Variants in ATP6V0D1 observed in about 807,000 individuals in gnomAD.
ATP6V0D1 encodes the protein ATPase H+ transporting V0 subunit d1.
In ATP6V0D1, 13 loss-of-function variants were observed where a neutral mutation model predicts 39.0. That is an observed-to-expected ratio of 0.33 (90% CI 0.22 to 0.53). The LOEUF is 0.53. Among genes scored for constraint, ATP6V0D1 ranks in the 20% least tolerant of loss-of-function variants. The pLI is 0.94. For synonymous variants in ATP6V0D1, 191 were observed against 191.2 expected, an observed-to-expected ratio of 1.00 and a Z score of 0.01; for missense variants, 272 against 470.9, an observed-to-expected ratio of 0.58 and a Z score of 3.91.
At position 67,443,272 on chromosome 16, in the gene ATP6V0D1, C is replaced by A. The variant is rs1189773134; in HGVS notation, c.482-94G>T. On this transcript the variant is annotated intron_variant, in intron 3 of 7. Coordinates refer to ENST00000290949, the MANE Select transcript of ATP6V0D1 (RefSeq NM_004691.5). ...TACACGGCACAGAGTGCCCGTGCCA[C>A]AAGGCCCACAGGGCTGGGTATTGAG... The A allele has an allele frequency of 2.3e-6, 3 of 1,318,710 alleles. No homozygotes were observed. The Admixed American group carries it at 5.3e-5, about 23-fold the overall frequency. 81.7% of individuals were successfully genotyped at this position (1,318,710 alleles called of 1,614,324 possible).
At chr16:67,451,838 G>A (rs936291469) in intron 2 of ATP6V0D1, among the ~76,000 whole-genome samples, 17 of 152,222 alleles carry the variant, frequency 1.1e-4, no homozygotes, top group African/African-American at 3.9e-4. Flanking sequence ...CCTCAGTCAC[G>A]CTCAGAGCCC....
chr16:67,444,491 C>T lies in ATP6V0D1; in HGVS notation c.481+37G>A. 4 of 1,556,326 alleles carry T rather than the reference C, an allele frequency of 2.6e-6. No homozygotes were observed. The highest frequency in any genetic ancestry group is 3.5e-6 in the Non-Finnish European group (4 of 1,142,698). ...CCACCCTGATGCGCTGATGCTGACA[C>T]CACTGCCCACCTCCCATGACCACCA... On this transcript the variant is annotated intron_variant, in intron 3 of 7. Transcript: ENST00000290949. The surrounding 1 kb of genome is among the most constrained non-coding windows in gnomAD (Gnocchi z 4.8).
At chr16:67,448,882 C>G (rs144826866) in intron 2 of ATP6V0D1, among the ~76,000 whole-genome samples, 75 of 152,298 alleles carry the variant, frequency 4.9e-4, no homozygotes, top group African/African-American at 1.6e-3. Context: ...GCCCAGGACC[C>G]TGAAACCACA....
chr16:67,469,943 A>C (rs1276289403), intron 1 of ATP6V0D1, among the ~76,000 whole-genome samples: 3 of 152,212 alleles, frequency 2.0e-5, no homozygotes. Flanking sequence ...TCCATCTGGT[A>C]GTCTACCAAG....
At chr16:67,471,583 TATAGA>T (rs1450142855) in intron 1 of ATP6V0D1, among the ~76,000 whole-genome samples, 1 of 152,148 alleles carries the variant, frequency 6.6e-6, no homozygotes, top group Non-Finnish European at 1.5e-5. Flanking sequence ...CACCCTATGG[TATAGA>T]ATAGAACTTC....
rs1222237649 is a variant in ATP6V0D1, at chr16:67,438,567, G to A, written c.1017C>T (p.Arg339=). 1 of 1,613,786 alleles carries A rather than the reference G, an allele frequency of 6.2e-7. No homozygotes were observed. The highest frequency in any genetic ancestry group is 8.5e-7 in the Non-Finnish European group (1 of 1,179,994). ...IVWIAECIAQ[R]HRAKIDNYIP... is the part of the protein sequence containing the mutation. Reference sequence around the variant, plus strand: ...TGTAGTTGTCGATTTTGGCGCGGTGGCGCTGGGCGATACATTCAGCGATCC... The same window carrying A: ...TGTAGTTGTCGATTTTGGCGCGGTGACGCTGGGCGATACATTCAGCGATCC... The change falls in exon 8 of 8, where the codon CGC becomes CGT. Residue 339 remains arginine, a synonymous_variant. Transcript: ENST00000290949.
intron 3 of ATP6V0D1, 54 bp from the exon 4 acceptor site, chr16:67,443,232 G>A: frequency 6.3e-7 from 1 of 1,574,810 alleles, no homozygotes; most frequent in South Asian, 1.1e-5. Context: ...CCAGAATCCT[G>A]ATGTTCAAAT....
At chr16:67,445,539 T>C (rs1002112568) in intron 2 of ATP6V0D1, among the ~76,000 whole-genome samples, 1 of 152,176 alleles carries the variant, frequency 6.6e-6, no homozygotes, top group Non-Finnish European at 1.5e-5. Context: ...AACTGTCCTC[T>C]TCTTTTAGGG....
At chr16:67,468,069 A>T (rs1057331244) in intron 1 of ATP6V0D1, among the ~76,000 whole-genome samples, 1 of 152,178 alleles carries the variant, frequency 6.6e-6, no homozygotes, top group Non-Finnish European at 1.5e-5. Context: ...TGCTATGTTC[A>T]GTGTATGCCA....
At chr16:67,479,298 T>C (rs547811401) in intron 1 of ATP6V0D1, among the ~76,000 whole-genome samples, 1 of 151,618 alleles carries the variant, frequency 6.6e-6, no homozygotes, top group East Asian at 1.9e-4. Flanking sequence ...ACTGCAACCT[T>C]TGCCTCCCAG....
At position 67,479,991 on chromosome 16, in the gene ATP6V0D1, A is replaced by T. The variant is rs2041452608; in HGVS notation, c.130+966T>A. 2.7e-5 allele frequency among the ~76,000 whole-genome samples: 3 copies of T among 109,122 alleles called. No homozygotes were observed. The South Asian group carries it at 7.2e-4, about 26-fold the overall frequency. 71.6% of individuals were successfully genotyped at this position (109,122 alleles called of 152,430 possible). ...GAGGCGGGCGGATCACGAGGTCAGG[A>T]GATCGAGACCATCCCGGCTAAAACG... is the stretch of plus-strand genomic sequence containing the variant. On this transcript the variant is annotated intron_variant, in intron 1 of 7. Transcript: ENST00000290949.
chr16:67,467,195 G>A (rs962554543), intron 1 of ATP6V0D1, among the ~76,000 whole-genome samples: 21 of 152,180 alleles, frequency 1.4e-4, no homozygotes, highest in African/African-American at 4.1e-4. Flanking sequence ...CCAAAGCCTA[G>A]TACTCAGCCA....
intron 1 of ATP6V0D1, among the ~76,000 whole-genome samples, chr16:67,461,767 G>T (rs2041291108): frequency 6.6e-6 from 1 of 152,170 alleles, no homozygotes. Context: ...CTGACACCAG[G>T]GGCCAGCGGC....
In ATP6V0D1 at chr16:67,444,215, CCT is replaced by C. The variant is rs2041088497; in HGVS notation, c.481+311_481+312del. ...CTCTCGGGACTCCAAGGGACTTGGG[CCT>C]CTCTCACTCTTCTCCATGAGCTCAG... On this transcript the variant is annotated intron_variant, in intron 3 of 7. Coordinates refer to ENST00000290949, the MANE Select transcript of ATP6V0D1 (RefSeq NM_004691.5). This position sits in a 1 kb window ranked among gnomAD's most constrained non-coding sequence, Gnocchi z 4.8. Among the ~76,000 whole-genome samples the C allele has an allele frequency of 6.6e-6, 1 of 152,342 alleles. No individual in the cohort carries two copies. The highest frequency in any genetic ancestry group is 1.9e-4 in the East Asian group (1 of 5,184).
At chr16:67,466,368 CACACACACA>C (rs2041330667) in intron 1 of ATP6V0D1, among the ~76,000 whole-genome samples, 1 of 146,304 alleles carries the variant, frequency 6.8e-6, no homozygotes, top group African/African-American at 2.5e-5. Context: ...CACACACACA[CACACACACA>C]AAATTAGCCA....
intron 1 of ATP6V0D1, chr16:67,459,036 A>G: frequency 1.0e-6 from 1 of 984,838 alleles, no homozygotes; most frequent in Non-Finnish European, 1.2e-6. Flanking sequence ...GTAGCCCTGA[A>G]GCTGGAGTTC....
At chr16:67,460,283 T>C (rs2041278794) in intron 1 of ATP6V0D1, among the ~76,000 whole-genome samples, 2 of 152,208 alleles carry the variant, frequency 1.3e-5, no homozygotes, top group African/African-American at 4.8e-5. Context: ...TGGACCAATG[T>C]GGACAGATGG....
At position 67,443,179 on chromosome 16, in the gene ATP6V0D1, C is replaced by T; in HGVS notation, c.482-1G>A. On this transcript the variant is annotated splice_acceptor_variant, in intron 3 of 7. Transcript: ENST00000290949. LOFTEE classifies it high-confidence loss of function. ...GAAATGCAGTCCTGGAAAAAAGCCG[C>T]TGGGGAGGAAACATGGTTTGAGGGG... is the stretch of plus-strand genomic sequence containing the variant. 1 of 1,613,922 alleles carries T rather than the reference C, an allele frequency of 6.2e-7. No individual in the cohort carries two copies. The highest frequency in any genetic ancestry group is 8.5e-7 in the Non-Finnish European group (1 of 1,179,946).
intron 1 of ATP6V0D1, among the ~76,000 whole-genome samples, chr16:67,471,625 A>C (rs1472004388): frequency 6.6e-6 from 1 of 152,102 alleles, no homozygotes; most frequent in African/African-American, 2.4e-5. Flanking sequence ...TTTTATACAG[A>C]TTAATCATCC....
Sources: gnomAD v4.1 joint callset for allele counts (sites outside exome capture counted in the v4.1 genomes callset) on GRCh38, gnomAD v4.1.1 for gene constraint, Gnocchi (gnomAD v3.1) non-coding constraint, MANE v1.5 for transcripts, NCBI Gene and HGNC (gene_info 2026-07-23, HGNC 2026-07-21) for gene names.